Variants in COMMD10 observed in about 807,000 individuals in gnomAD.
The protein encoded by COMMD10 is COMM domain containing 10.
Under a neutral mutation model 28.9 loss-of-function variants are expected in COMMD10, and 33 were observed. The observed-to-expected ratio is 1.14, with a 90% CI of 0.87 to 1.53. COMMD10 has a LOEUF of 1.53. Among genes scored for constraint, COMMD10 ranks in the 40% most tolerant of loss-of-function variants. The pLI, the probability that COMMD10 is intolerant of heterozygous loss-of-function variation, is 0.00. For missense variants in COMMD10, 310 were observed against 233.4 expected (o/e 1.33, Z -2.14); for synonymous variants, 110 against 81.7 (o/e 1.35, Z -1.87).
intron 5 of COMMD10, among the ~76,000 whole-genome samples, chr5:116,222,190 T>C (rs528461449): frequency 2.4e-4 from 36 of 152,316 alleles, no homozygotes; most frequent in African/African-American, 8.2e-4. Context: ...GATAGTCAAA[T>C]CTAATTTAAG....
At chr5:116,180,230 G>A (rs1486612221) in intron 5 of COMMD10, among the ~76,000 whole-genome samples, 1 of 151,962 alleles carries the variant, frequency 6.6e-6, no homozygotes, top group African/African-American at 2.4e-5. Flanking sequence ...TTTTTGAATG[G>A]AATAATACGT....
chr5:116,271,801 C>T (rs1012596639), intron 5 of COMMD10, among the ~76,000 whole-genome samples: 5 of 151,780 alleles, frequency 3.3e-5, no homozygotes, highest in Non-Finnish European at 2.9e-5. Flanking sequence ...GCCATTATTT[C>T]CCCCTACTTT....
chr5:116,192,760 A>G (rs1235255046), intron 5 of COMMD10, among the ~76,000 whole-genome samples: 1 of 152,216 alleles, frequency 6.6e-6, no homozygotes, highest in East Asian at 1.9e-4. Context: ...TCATCCAGGA[A>G]AACTTCGCCA....
chr5:116,219,515 A>G (rs553883721), intron 5 of COMMD10, among the ~76,000 whole-genome samples: 6 of 152,230 alleles, frequency 3.9e-5, no homozygotes, highest in African/African-American at 1.4e-4. Flanking sequence ...TACATAAGAG[A>G]AGGTGGTACG....
intron 5 of COMMD10, among the ~76,000 whole-genome samples, chr5:116,149,433 A>G (rs1256352212): frequency 6.7e-6 from 1 of 148,582 alleles, no homozygotes; most frequent in African/African-American, 2.5e-5. Context: ...ATCGCCACAC[A>G]GACTTCCACA....
chr5:116,093,905 G>T (rs1048193854), intron 4 of COMMD10, among the ~76,000 whole-genome samples: 1 of 152,160 alleles, frequency 6.6e-6, no homozygotes, highest in Non-Finnish European at 1.5e-5. Flanking sequence ...TTACAAAGTT[G>T]CCAAGAGCAT....
intron 4 of COMMD10, among the ~76,000 whole-genome samples, chr5:116,110,795 A>G (rs79034544): frequency 0.039 from 5,956 of 152,220 alleles, 153 homozygotes; most frequent in Admixed American, 0.06. Flanking sequence ...GAGCAGGAAC[A>G]AGAGAGGAAG....
intron 5 of COMMD10, among the ~76,000 whole-genome samples, chr5:116,164,118 A>G (rs1753014099): frequency 6.6e-6 from 1 of 152,132 alleles, no homozygotes; most frequent in African/African-American, 2.4e-5. Flanking sequence ...GGAGTTCTGG[A>G]CTAGCTCTGC....
chr5:116,179,826 A>G (rs1252229636), intron 5 of COMMD10, among the ~76,000 whole-genome samples: 1 of 152,072 alleles, frequency 6.6e-6, no homozygotes, highest in Non-Finnish European at 1.5e-5. Flanking sequence ...GAGGCAGGAA[A>G]AGGTAGTAGT....
chr5:116,208,150 G>C (rs181222208), intron 5 of COMMD10, among the ~76,000 whole-genome samples: 259 of 152,136 alleles, frequency 1.7e-3, no homozygotes, highest in African/African-American at 5.9e-3. Flanking sequence ...ATAATGTATG[G>C]GTTAAACAAT....
At chr5:116,124,126 G>C (rs1019476058) in intron 4 of COMMD10, among the ~76,000 whole-genome samples, 2 of 151,898 alleles carry the variant, frequency 1.3e-5, no homozygotes, top group Non-Finnish European at 2.9e-5. Context: ...GAATTTGTTT[G>C]CTTTTGCTTC....
At chr5:116,112,320 ATCTTTTTCCACCCCTTTACTTTTAG>A (rs1751071575) in intron 4 of COMMD10, among the ~76,000 whole-genome samples, 2 of 152,140 alleles carry the variant, frequency 1.3e-5, no homozygotes, top group Admixed American at 1.3e-4. Context: ...ATCAATCAAT[ATCTTTTTCCACCCCTTTACTTTTAG>A]TCTATGTGTC....
intron 5 of COMMD10, among the ~76,000 whole-genome samples, chr5:116,177,716 G>A (rs72804862): frequency 0.054 from 8,234 of 151,852 alleles, 315 homozygotes; most frequent in East Asian, 0.15. Flanking sequence ...TTACCTTTGC[G>A]TCTGGAAAAA....
rs558163175 is a variant in COMMD10 at position 116,140,455 on chromosome 5, G to T, written c.510+6277G>T. On this transcript the variant is annotated intron_variant, in intron 5 of 6. Coordinates refer to ENST00000274458, the MANE Select transcript of COMMD10 (RefSeq NM_016144.4). ...TCTTCTTTGAATATATACCAAGCAG[G>T]AGATTCCTGGTAGTTCTAATTTGAA... is the stretch of plus-strand genomic sequence containing the variant. 2.6e-5 allele frequency among the ~76,000 whole-genome samples: 4 copies of T among 151,740 alleles called. No individual in the cohort carries two copies. In the East Asian group the frequency reaches 5.8e-4, roughly 22 times the overall value.
chr5:116,217,964 A>T lies in COMMD10; in HGVS notation c.511-73553A>T, dbSNP rs1341279974. The T allele has an allele frequency of 6.2e-6, 5 of 804,684 alleles. No individual in the cohort carries two copies. The African/African-American group carries it at 6.8e-5, about 11-fold the overall frequency. 49.8% of individuals were successfully genotyped at this position (804,684 alleles called of 1,614,324 possible). A position where few individuals can be genotyped will look rare whatever the true frequency, so the allele number is the denominator to read the frequency against. On this transcript the variant is annotated intron_variant, in intron 5 of 6. Transcript: ENST00000274458. Reference sequence around the variant, plus strand: ...TTGCATTTTTATAAAACTTGGTAAAAATAGTATTTCAAACTGTTCAGTCAC... The same window carrying T: ...TTGCATTTTTATAAAACTTGGTAAATATAGTATTTCAAACTGTTCAGTCAC...
intron 5 of COMMD10, among the ~76,000 whole-genome samples, chr5:116,166,166 GTTGTTCC>G (rs1753087292): frequency 8.9e-5 from 12 of 135,236 alleles, no homozygotes; most frequent in Admixed American, 6.5e-4. Flanking sequence ...AATGGCGATA[GTTGTTCC>G]TCAGAGTTGT....
intron 5 of COMMD10, among the ~76,000 whole-genome samples, chr5:116,224,653 C>T (rs527759916): frequency 2.0e-5 from 3 of 152,134 alleles, no homozygotes; most frequent in African/African-American, 7.2e-5. Context: ...CCAAGCCATT[C>T]ATGAGGGATC....
chr5:116,150,401 C>T (rs28881821), intron 5 of COMMD10, among the ~76,000 whole-genome samples: 12 of 151,968 alleles, frequency 7.9e-5, no homozygotes, highest in Admixed American at 2.0e-4. Flanking sequence ...AAGAAAGTCA[C>T]TGGTAGCTTG....
In COMMD10 at chr5:116,275,299, C is replaced by G. The variant is rs1750874550; in HGVS notation, c.511-16218C>G. On this transcript the variant is annotated intron_variant, in intron 5 of 6. Coordinates refer to ENST00000274458, the MANE Select transcript of COMMD10 (RefSeq NM_016144.4). ...ACAAATTTAAATTACTAGTAGACTG[C>G]TCTGCTTTTCCCTTTCATGTTCTCT... 1.3e-5 allele frequency among the ~76,000 whole-genome samples: 2 copies of G among 151,848 alleles called. 1 individual carries two copies. Among genetic ancestry groups the G allele is most frequent in the South Asian group, 4.1e-4 (2 of 4,832 alleles).
Sources: allele counts gnomAD v4.1 joint callset (sites outside exome capture counted in the v4.1 genomes callset), GRCh38; gene constraint gnomAD v4.1.1; transcripts MANE v1.5; gene names NCBI Gene and HGNC (gene_info 2026-07-23, HGNC 2026-07-21).